The following BAZ2B variants were observed in gnomAD, a reference collection of about 807,000 sequenced individuals.
BAZ2B encodes bromodomain adjacent to zinc finger domain 2B, also known as bromodomain adjacent to zinc finger domain protein 2B.
In BAZ2B, 91 loss-of-function variants were observed where a neutral mutation model predicts 246.0. That is an observed-to-expected ratio of 0.37 (90% CI 0.31 to 0.44). The LOEUF is 0.44. Among genes scored for constraint, BAZ2B ranks in the 20% least tolerant of loss-of-function variants. BAZ2B has a pLI of 1.00. For missense variants in BAZ2B, 2,332 were observed against 2,533.7 expected, an observed-to-expected ratio of 0.92 and a Z score of 1.71; for synonymous variants, 855 against 860.0, an observed-to-expected ratio of 0.99 and a Z score of 0.10.
chr2:159,697,528 C>A, the BAZ2B span, among the ~76,000 whole-genome samples: 1 of 152,206 alleles, frequency 6.6e-6, no homozygotes, highest in South Asian at 2.1e-4. Flanking sequence ...TCCATTAGGA[C>A]AATCATTTTT....
At chr2:159,480,954 T>C (rs906716721) in intron 2 of BAZ2B, among the ~76,000 whole-genome samples, 19 of 152,106 alleles carry the variant, frequency 1.2e-4, no homozygotes, top group Non-Finnish European at 2.4e-4. Flanking sequence ...GCATGTAAAG[T>C]ACTAATTCTC....
rs1228636087 is a variant in BAZ2B, at chr2:159,400,626, T to C, written c.2871A>G (p.Lys957=). Residue 957 remains lysine (K), a synonymous_variant, in exon 17 of 37, where the codon AAA becomes AAG. Coordinates refer to ENST00000392783, the MANE Select transcript of BAZ2B (RefSeq NM_013450.4). ...IKRIQQIRME[K]ELRAQQILEA... The stretch of plus-strand genomic sequence containing the variant: ...CTAGAATTTGCTGAGCTCGAAGTTC[T>C]TTTTCCATTCTGATTTGCTGTATTC... The C allele has an allele frequency of 1.5e-5, 23 of 1,574,954 alleles. No individual in the cohort carries two copies. The highest frequency in any genetic ancestry group is 2.3e-5 in the East Asian group (1 of 44,022).
At chr2:159,594,718 G>A (rs1690246579) in intron 1 of BAZ2B, among the ~76,000 whole-genome samples, 2 of 151,716 alleles carry the variant, frequency 1.3e-5, no homozygotes, top group South Asian at 2.1e-4. Flanking sequence ...TGCAGCCTCC[G>A]CCTCACAGGC....
the BAZ2B span, chr2:159,693,979 G>GT: frequency 1.3e-5 from 2 of 152,134 alleles, no homozygotes; most frequent in African/African-American, 4.8e-5. Flanking sequence ...TCACCCCTAG[G>GT]TTTTCAAGTG....
intron 3 of BAZ2B, chr2:159,460,168 CA>C (rs771531418): frequency 3.9e-5 from 6 of 151,994 alleles, no homozygotes; most frequent in Non-Finnish European, 8.8e-5. Context: ...TGATTAAAAT[CA>C]GTACACAAAT....
At chr2:159,325,558 A>C in intron 35 of BAZ2B, 95 bp downstream of exon 35, 1 of 1,329,244 alleles carries the variant, frequency 7.5e-7, no homozygotes, top group Non-Finnish European at 1.0e-6. Context: ...TATTTACATA[A>C]ATTATCAGAA....
intron 25 of BAZ2B, among the ~76,000 whole-genome samples, chr2:159,379,654 T>C (rs2061776013): frequency 1.3e-5 from 2 of 152,200 alleles, no homozygotes; most frequent in South Asian, 2.1e-4. Context: ...AAATTCTACA[T>C]TGATTCATAA....
chr2:159,676,944 T>TAGA, the BAZ2B span, among the ~76,000 whole-genome samples: 130,356 of 139,100 alleles, frequency 0.94, 61,176 homozygotes, highest in Middle Eastern at 0.97. Context: ...GTGGTTAAAA[T>TAGA]AGTTTTGTTA....
the BAZ2B span, among the ~76,000 whole-genome samples, chr2:159,641,613 T>G: frequency 6.6e-6 from 1 of 152,126 alleles, no homozygotes; most frequent in South Asian, 2.1e-4. Context: ...GCTTTTGGAG[T>G]CCGGTCATGA....
At chr2:159,530,809 A>G (rs1452981701) in intron 2 of BAZ2B, among the ~76,000 whole-genome samples, 1 of 152,094 alleles carries the variant, frequency 6.6e-6, no homozygotes, top group Non-Finnish European at 1.5e-5. Flanking sequence ...GTCTCTACTA[A>G]AAATACAAAA....
intron 13 of BAZ2B, among the ~76,000 whole-genome samples, chr2:159,414,485 C>G (rs2067320882): frequency 1.3e-5 from 2 of 152,112 alleles, no homozygotes; most frequent in Admixed American, 6.6e-5. Flanking sequence ...ACCCCATTTA[C>G]TCTGATGTTA....
intron 1 of BAZ2B, among the ~76,000 whole-genome samples, chr2:159,574,627 C>A (rs1684853355): frequency 6.6e-6 from 1 of 152,042 alleles, no homozygotes; most frequent in African/African-American, 2.4e-5. Flanking sequence ...TTCAAGTGTT[C>A]ATCAAATAAT....
chr2:159,574,901 C>T lies in BAZ2B; in HGVS notation c.-45-19036G>A, dbSNP rs557402660. ...AGGAGAATCGCTTGAATCCAGGAGG[C>T]GGAGGCTGCAGTGAGCCAAGATCCT... On this transcript the variant is annotated intron_variant, in intron 1 of 36. Transcript: ENST00000392783. Among the ~76,000 whole-genome samples the T allele has an allele frequency of 4.6e-5, 7 of 151,492 alleles. No individual in the cohort carries two copies. In the South Asian group the frequency reaches 6.3e-4, roughly 14 times the overall value.
At chr2:159,632,936 G>A in the BAZ2B span, among the ~76,000 whole-genome samples, 41 of 152,252 alleles carry the variant, frequency 2.7e-4, no homozygotes, top group African/African-American at 9.1e-4. Flanking sequence ...CTCAACAATT[G>A]CAACCATAGA....
rs187401105 is a variant in BAZ2B, at chr2:159,549,678, C to T, written c.-3+6145G>A. On this transcript the variant is annotated intron_variant, in intron 2 of 36. Coordinates refer to ENST00000392783, the MANE Select transcript of BAZ2B (RefSeq NM_013450.4). ...AATTTGTGTTAGGATGCACTGATAG[C>T]TGTCCTGGGCTGCATGTGGCCCACA... is the stretch of plus-strand genomic sequence containing the variant. Among the ~76,000 whole-genome samples, 6 of 152,110 alleles carry T rather than the reference C, an allele frequency of 3.9e-5. 1 individual carries two copies. Among genetic ancestry groups the T allele is most frequent in the East Asian group, 3.9e-4 (2 of 5,182 alleles).
intron 3 of BAZ2B, chr2:159,462,129 A>G: frequency 3.2e-6 from 1 of 316,364 alleles, no homozygotes; most frequent in South Asian, 3.3e-5. Context: ...TCTAGGATAG[A>G]TCTCTCTCTC....
intron 2 of BAZ2B, among the ~76,000 whole-genome samples, chr2:159,496,375 T>TAAA: frequency 1.7e-5 from 1 of 58,898 alleles, no homozygotes; most frequent in Non-Finnish European, 3.0e-5. Flanking sequence ...AGACTCCATC[T>TAAA]AAAAAAAAAA....
the BAZ2B span, chr2:159,711,930 A>G: frequency 2.6e-5 from 4 of 152,152 alleles, no homozygotes; most frequent in Non-Finnish European, 4.4e-5. Context: ...CCACAAGGAA[A>G]TGATCACAAG....
the BAZ2B span, among the ~76,000 whole-genome samples, chr2:159,691,985 ATT>A: frequency 6.6e-6 from 1 of 152,204 alleles, no homozygotes; most frequent in African/African-American, 2.4e-5. Flanking sequence ...GCTTGCTTAC[ATT>A]TCTCTCCACT....
Sources: gnomAD v4.1 joint callset for allele counts (sites outside exome capture counted in the v4.1 genomes callset) on GRCh38, gnomAD v4.1.1 for gene constraint, MANE v1.5 for transcripts, NCBI Gene and HGNC (gene_info 2026-07-23, HGNC 2026-07-21) for gene names.